CDK14: variants seen among roughly 807,000 people sequenced by gnomAD.
CDK14 encodes cyclin-dependent kinase 14.
In CDK14, 34 loss-of-function variants were observed where a neutral mutation model predicts 60.7. The observed-to-expected ratio is 0.56, with a 90% CI of 0.43 to 0.75. The LOEUF (loss-of-function observed/expected upper bound fraction) is 0.75, where lower values mean the gene tolerates loss of function less well. CDK14 is among the 30% of genes least tolerant of loss of function. CDK14 has a pLI of 0.00. For synonymous variants in CDK14, 197 were observed against 203.7 expected (o/e 0.97, Z 0.28); for missense variants, 482 against 564.1 (o/e 0.85, Z 1.47).
chr7:90,671,318 A>G (rs1376003707), intron 2 of CDK14, among the ~76,000 whole-genome samples: 3 of 150,076 alleles, frequency 2.0e-5, no homozygotes, highest in Non-Finnish European at 3.0e-5. Context: ...TCGGGTCTTC[A>G]TTACTGAGCC....
intron 2 of CDK14, among the ~76,000 whole-genome samples, chr7:90,676,937 G>T (rs893399907): frequency 1.5e-5 from 2 of 135,180 alleles, no homozygotes; most frequent in Non-Finnish European, 3.2e-5. Context: ...TTATTCAGTT[G>T]TATATCAAGT....
At chr7:90,755,429 T>A (rs1804015866) in intron 4 of CDK14, among the ~76,000 whole-genome samples, 1 of 152,134 alleles carries the variant, frequency 6.6e-6, no homozygotes, top group Admixed American at 6.6e-5. Context: ...CACTTGGACA[T>A]AAGTTGGGAA....
intron 14 of CDK14, among the ~76,000 whole-genome samples, chr7:91,176,790 C>A (rs1374222876): frequency 1.3e-5 from 2 of 151,646 alleles, no homozygotes; most frequent in African/African-American, 2.4e-5. Context: ...AGACCAATAA[C>A]AGGAGCTGAA....
At position 90,917,636 on chromosome 7, in the gene CDK14, C is replaced by T. The variant is rs904211229; in HGVS notation, c.738C>T (p.Tyr246=). The T allele has an allele frequency of 1.2e-6, 2 of 1,613,574 alleles. No homozygotes were observed. The highest frequency in any genetic ancestry group is 1.7e-6 in the Non-Finnish European group (2 of 1,179,566). Residue 246 remains tyrosine, a synonymous_variant, in exon 8 of 15, where the codon TAC becomes TAT. Transcript: ENST00000380050. ...FLFQLLRGLS[Y]IHQRYILHRD... is the part of the protein sequence containing the mutation. ...TTCAGTTGCTGCGAGGTCTGTCTTA[C>T]ATCCACCAGCGTTATATTTTGCACA... is the stretch of plus-strand genomic sequence containing the variant.
intron 2 of CDK14, among the ~76,000 whole-genome samples, chr7:90,644,480 C>G (rs553661686): frequency 2.0e-5 from 3 of 152,164 alleles, no homozygotes; most frequent in East Asian, 3.9e-4. Flanking sequence ...GAGCTTATGT[C>G]TAATTTAGGT....
At chr7:90,664,539 T>C (rs1198397855) in intron 2 of CDK14, among the ~76,000 whole-genome samples, 2 of 152,084 alleles carry the variant, frequency 1.3e-5, no homozygotes, top group African/African-American at 2.4e-5. Context: ...GGAACCAACC[T>C]AAATGTCCAA....
chr7:90,778,846 A>ACCTTCTTT (rs1805167240), intron 4 of CDK14, among the ~76,000 whole-genome samples: 1 of 127,864 alleles, frequency 7.8e-6, no homozygotes, highest in South Asian at 2.9e-4. Context: ...AAATTGACCG[A>ACCTTCTTT]CCTTCCTTCC....
chr7:91,057,104 A>G (rs1797597858), intron 11 of CDK14, among the ~76,000 whole-genome samples: 2 of 152,160 alleles, frequency 1.3e-5, no homozygotes, highest in Non-Finnish European at 2.9e-5. Flanking sequence ...TGCCATTCTA[A>G]CTGGTGTGAG....
intron 11 of CDK14, among the ~76,000 whole-genome samples, chr7:91,058,437 C>T (rs1425186087): frequency 6.6e-6 from 1 of 152,162 alleles, no homozygotes; most frequent in African/African-American, 2.4e-5. Context: ...GAACTTCCAA[C>T]ACTATGTTGA....
At chr7:91,187,837 A>G (rs1487966640) in intron 14 of CDK14, among the ~76,000 whole-genome samples, 2 of 152,350 alleles carry the variant, frequency 1.3e-5, no homozygotes, top group South Asian at 2.1e-4. Context: ...TGGTCACCCC[A>G]CCATAATCTT....
intron 5 of CDK14, among the ~76,000 whole-genome samples, chr7:90,842,558 A>G (rs1790333800): frequency 6.6e-6 from 1 of 152,192 alleles, no homozygotes; most frequent in Non-Finnish European, 1.5e-5. Context: ...TCTTTCTCTC[A>G]GAAGAACCAG....
chr7:91,157,810 G>C (rs1201800192), intron 14 of CDK14, among the ~76,000 whole-genome samples: 2 of 152,136 alleles, frequency 1.3e-5, no homozygotes, highest in South Asian at 4.1e-4. Flanking sequence ...ATGGGCATTA[G>C]TATCTGTAAT....
At chr7:90,608,523 T>G (rs1033611319) in intron 2 of CDK14, 8 of 983,908 alleles carry the variant, frequency 8.1e-6, no homozygotes, top group African/African-American at 5.2e-5. Flanking sequence ...ATCCCTCTGT[T>G]TTTTAGCTTT....
At position 90,726,602 on chromosome 7, in the gene CDK14, G is replaced by A. The variant is rs1262609509; in HGVS notation, c.159G>A (p.Gln53=). ...CAAAGATGTCTACACGGAACTGCCA[G>A]GGAATGGACTCAGTGATCAAACCCC... ...CVTKMSTRNC[Q]GMDSVIKPLD... is the part of the protein sequence containing the mutation. The change falls in exon 3 of 15, where the codon CAG becomes CAA. Residue 53 remains glutamine, a synonymous_variant. Coordinates refer to ENST00000380050, the MANE Select transcript of CDK14 (RefSeq NM_001287135.2). 6.2e-7 allele frequency: 1 copy of A among 1,613,634 alleles called. No homozygotes were observed. Among genetic ancestry groups the A allele is most frequent in the East Asian group, 2.2e-5 (1 of 44,870 alleles).
At chr7:91,000,273 T>G (rs1335666631) in intron 10 of CDK14, among the ~76,000 whole-genome samples, 1 of 152,208 alleles carries the variant, frequency 6.6e-6, no homozygotes, top group African/African-American at 2.4e-5. Context: ...TTCAAAACCC[T>G]ATACTTAAGT....
At chr7:90,927,358 C>T (rs1416341052) in intron 8 of CDK14, among the ~76,000 whole-genome samples, 3 of 152,208 alleles carry the variant, frequency 2.0e-5, no homozygotes, top group East Asian at 3.9e-4. Flanking sequence ...GTCTTAGGAG[C>T]TCTGTGTCAG....
intron 5 of CDK14, among the ~76,000 whole-genome samples, chr7:90,861,998 A>C (rs1416882455): frequency 1.3e-5 from 2 of 152,230 alleles, no homozygotes; most frequent in Non-Finnish European, 1.5e-5. Context: ...GTATGAAACA[A>C]ACAAGCCTAC....
chr7:91,192,214 G>A (rs1802384218), intron 14 of CDK14, among the ~76,000 whole-genome samples: 1 of 152,194 alleles, frequency 6.6e-6, no homozygotes, highest in Admixed American at 6.5e-5. Flanking sequence ...TCCAGGCCAT[G>A]TCCTGCTATA....
chr7:90,609,340 T>C (rs1285846543), intron 2 of CDK14, among the ~76,000 whole-genome samples: 1 of 152,144 alleles, frequency 6.6e-6, no homozygotes, highest in East Asian at 1.9e-4. Flanking sequence ...GTGATTTTTA[T>C]GAGAACCAGA....
Sources: gnomAD v4.1 joint callset for allele counts (sites outside exome capture counted in the v4.1 genomes callset) on GRCh38, gnomAD v4.1.1 for gene constraint, MANE v1.5 for transcripts, NCBI Gene and HGNC (gene_info 2026-07-23, HGNC 2026-07-21) for gene names.